SAMD5: variants seen among roughly 807,000 people sequenced by gnomAD.
The protein encoded by SAMD5 is sterile alpha motif domain containing 5, also known as sterile alpha motif domain-containing protein 5.
SAMD5 carries 13 observed loss-of-function variants against 11.3 expected under a neutral mutation model. The ratio of observed to expected loss-of-function variants is 1.15; its 90% CI spans 0.75 to 1.83. SAMD5 has a LOEUF of 1.83. SAMD5 is among the 40% of genes most tolerant of loss of function. The pLI is 0.00. For missense variants in SAMD5, 255 were observed against 239.1 expected (o/e 1.07, Z -0.44); for synonymous variants, 129 against 111.3 (o/e 1.16, Z -1.00).
the SAMD5 span, among the ~76,000 whole-genome samples, chr6:147,793,792 ACCAGTG>A: frequency 5.3e-5 from 8 of 152,278 alleles, no homozygotes; most frequent in East Asian, 1.5e-3. Flanking sequence ...TTACTTTTTC[ACCAGTG>A]CCACATTGTC....
chr6:147,625,227 T>G (rs1790033403), intron 1 of SAMD5, among the ~76,000 whole-genome samples: 1 of 152,236 alleles, frequency 6.6e-6, no homozygotes, highest in African/African-American at 2.4e-5. Flanking sequence ...TGCTCATATT[T>G]AGTGCTTCAT....
At chr6:147,628,523 G>T (rs1790091610) in intron 1 of SAMD5, among the ~76,000 whole-genome samples, 1 of 152,164 alleles carries the variant, frequency 6.6e-6, no homozygotes, top group Non-Finnish European at 1.5e-5. Flanking sequence ...GGAGTGATAG[G>T]GAGGGAAAGG....
intron 1 of SAMD5, among the ~76,000 whole-genome samples, chr6:147,531,406 ATTATTACCAGGATAATGGCTGT>A (rs1562313895): frequency 6.6e-6 from 1 of 152,246 alleles, no homozygotes; most frequent in Non-Finnish European, 1.5e-5. Context: ...GTAATCTTAG[ATTATTACCAGGATAATGGCTGT>A]TTTAAATCTT....
At chr6:147,791,458 A>G in the SAMD5 span, among the ~76,000 whole-genome samples, 1 of 152,088 alleles carries the variant, frequency 6.6e-6, no homozygotes, top group African/African-American at 2.4e-5. Context: ...GTGGTTACTG[A>G]CCATAGTGAT....
intron 1 of SAMD5, among the ~76,000 whole-genome samples, chr6:147,683,974 A>G (rs1018395137): frequency 6.6e-6 from 1 of 152,184 alleles, no homozygotes; most frequent in African/African-American, 2.4e-5. Context: ...ATTAAAGCAT[A>G]AGAGTCATTC....
chr6:147,812,726 A>AC, the SAMD5 span, among the ~76,000 whole-genome samples: 1 of 152,226 alleles, frequency 6.6e-6, no homozygotes, highest in Non-Finnish European at 1.5e-5. Flanking sequence ...TACCACAGGC[A>AC]CTAGATAACT....
At chr6:147,899,738 C>A in the SAMD5 span, among the ~76,000 whole-genome samples, 1 of 152,192 alleles carries the variant, frequency 6.6e-6, no homozygotes, top group Non-Finnish European at 1.5e-5. Context: ...CTCTCCCTTA[C>A]AAAAGCCTCT....
At chr6:147,632,184 G>A (rs960408223) in intron 1 of SAMD5, among the ~76,000 whole-genome samples, 1 of 152,156 alleles carries the variant, frequency 6.6e-6, no homozygotes, top group African/African-American at 2.4e-5. Context: ...GGGATCTGAT[G>A]CCTTTTGATG....
intron 1 of SAMD5, among the ~76,000 whole-genome samples, chr6:147,594,289 A>G (rs913462942): frequency 6.6e-6 from 1 of 152,154 alleles, no homozygotes; most frequent in Non-Finnish European, 1.5e-5. Flanking sequence ...TTGCTTGCTA[A>G]GATGCGATCA....
At chr6:147,699,960 C>T (rs774711372) in intron 1 of SAMD5, among the ~76,000 whole-genome samples, 15 of 152,140 alleles carry the variant, frequency 9.9e-5, no homozygotes, top group African/African-American at 3.4e-4. Flanking sequence ...ACTGCTGATA[C>T]GCAGTACTAA....
At chr6:147,608,451 T>C (rs1473189172) in intron 1 of SAMD5, among the ~76,000 whole-genome samples, 1 of 152,186 alleles carries the variant, frequency 6.6e-6, no homozygotes, top group African/African-American at 2.4e-5. Context: ...TGGAGTACTA[T>C]TCAGCCATTG....
chr6:147,667,062 C>T (rs1249817707), intron 1 of SAMD5, among the ~76,000 whole-genome samples: 1 of 152,120 alleles, frequency 6.6e-6, no homozygotes, highest in Non-Finnish European at 1.5e-5. Context: ...TGGAAATTGC[C>T]CTGCTCTCCA....
intron 1 of SAMD5, among the ~76,000 whole-genome samples, chr6:147,666,192 C>T (rs947621699): frequency 2.6e-5 from 4 of 152,250 alleles, no homozygotes; most frequent in Non-Finnish European, 5.9e-5. Flanking sequence ...CCGCCTCAGT[C>T]TCCCGAAGTG....
At chr6:147,708,880 G>T (rs1367723017) in intron 1 of SAMD5, among the ~76,000 whole-genome samples, 1 of 152,190 alleles carries the variant, frequency 6.6e-6, no homozygotes, top group Non-Finnish European at 1.5e-5. Flanking sequence ...GTAAGCAGTG[G>T]TGTCCCAGTC....
the SAMD5 span, among the ~76,000 whole-genome samples, chr6:147,924,639 A>G: frequency 6.6e-6 from 1 of 151,970 alleles, no homozygotes; most frequent in African/African-American, 2.4e-5. Flanking sequence ...TAAACCGAAC[A>G]AAACTAAAAC....
the SAMD5 span, among the ~76,000 whole-genome samples, chr6:147,841,897 A>G: frequency 6.6e-6 from 1 of 152,190 alleles, no homozygotes; most frequent in Non-Finnish European, 1.5e-5. Flanking sequence ...GACAATGAAC[A>G]TGGCTCCAGA....
At chr6:147,859,016 C>T in the SAMD5 span, among the ~76,000 whole-genome samples, 8 of 152,092 alleles carry the variant, frequency 5.3e-5, no homozygotes, top group Non-Finnish European at 1.2e-4. Context: ...AAGATTGAAA[C>T]CTCAATGAGG....
intron 1 of SAMD5, among the ~76,000 whole-genome samples, chr6:147,718,659 T>C (rs1791501183): frequency 6.6e-6 from 1 of 151,850 alleles, no homozygotes; most frequent in African/African-American, 2.4e-5. Context: ...GTGTGGCCTT[T>C]ATGTAATGTT....
At chr6:147,587,675 T>C (rs1174418482) in intron 1 of SAMD5, among the ~76,000 whole-genome samples, 2 of 152,212 alleles carry the variant, frequency 1.3e-5, no homozygotes. Flanking sequence ...CCAACAGGGA[T>C]ATGCTTTTCT....
Sources: allele counts gnomAD v4.1 joint callset (sites outside exome capture counted in the v4.1 genomes callset), GRCh38; gene constraint gnomAD v4.1.1; transcripts MANE v1.5; gene names NCBI Gene and HGNC (gene_info 2026-07-23, HGNC 2026-07-21).